Variants in SHOC2 observed in about 807,000 individuals in gnomAD.
SHOC2 encodes the protein SHOC2 leucine rich repeat scaffold protein.
SHOC2 carries 4 observed loss-of-function variants against 50.2 expected under a neutral mutation model. The ratio of observed to expected loss-of-function variants is 0.08; its 90% CI spans 0.04 to 0.18. The LOEUF (loss-of-function observed/expected upper bound fraction) is 0.18, where lower values mean the gene tolerates loss of function less well. Among genes scored for constraint, SHOC2 ranks in the 10% least tolerant of loss-of-function variants. The pLI is 1.00. For synonymous variants in SHOC2, 218 were observed against 244.5 expected, an observed-to-expected ratio of 0.89 and a Z score of 1.01; for missense variants, 388 against 669.6, an observed-to-expected ratio of 0.58 and a Z score of 4.64.
chr10:110,937,940 C>T (rs1299223596), intron 1 of SHOC2, among the ~76,000 whole-genome samples: 1 of 152,150 alleles, frequency 6.6e-6, no homozygotes, highest in African/African-American at 2.4e-5. Flanking sequence ...GAGTGCTCAT[C>T]AGTTCTTCAG....
intron 1 of SHOC2, among the ~76,000 whole-genome samples, chr10:110,950,246 C>G (rs1365794512): frequency 6.6e-6 from 1 of 151,766 alleles, no homozygotes; most frequent in Non-Finnish European, 1.5e-5. Context: ...TTTCCATAAA[C>G]TAACAATGAA....
intron 1 of SHOC2, among the ~76,000 whole-genome samples, chr10:110,941,769 G>A (rs899246013): frequency 9.9e-5 from 15 of 151,762 alleles, no homozygotes; most frequent in Non-Finnish European, 1.8e-4. Context: ...TTTTAATTTC[G>A]ATGAAGTGCA....
At chr10:110,922,292 T>G (rs1033385525) in intron 1 of SHOC2, among the ~76,000 whole-genome samples, 3 of 152,148 alleles carry the variant, frequency 2.0e-5, no homozygotes, top group Non-Finnish European at 4.4e-5. Context: ...ATTGGTATAG[T>G]TATTGCTTTG....
chr10:111,002,816 A>G lies in SHOC2; in HGVS notation c.973-1790A>G, dbSNP rs890741694. 2.6e-5 allele frequency among the ~76,000 whole-genome samples: 4 copies of G among 152,278 alleles called. No homozygotes were observed. In the South Asian group the frequency reaches 6.2e-4, roughly 24 times the overall value. The stretch of plus-strand genomic sequence containing the variant: ...AATGATAAGCAACCCCTGCTTCACA[A>G]TGTGACTAAGAAATGAGAGCTTGAA... On this transcript the variant is annotated intron_variant, in intron 4 of 8. Transcript: ENST00000369452.
chr10:111,007,803 A>G, intron 6 of SHOC2, 150 bp downstream of exon 6: 1 of 791,336 alleles, frequency 1.3e-6, no homozygotes, highest in Non-Finnish European at 2.1e-6. Flanking sequence ...TAATAGGATA[A>G]TGAAGTGTTG....
At chr10:110,951,270 A>G (rs557398816) in intron 1 of SHOC2, among the ~76,000 whole-genome samples, 1 of 152,340 alleles carries the variant, frequency 6.6e-6, no homozygotes, top group Non-Finnish European at 1.5e-5. Flanking sequence ...CAGGTATGTG[A>G]AAAAATGCTC....
At chr10:110,979,448 A>G (rs1847933110) in intron 2 of SHOC2, among the ~76,000 whole-genome samples, 3 of 152,210 alleles carry the variant, frequency 2.0e-5, no homozygotes. Flanking sequence ...GTAATTATAT[A>G]ACGTATACAA....
chr10:110,947,725 C>A lies in SHOC2; in HGVS notation c.-234-16400C>A, dbSNP rs1307800621. ...TATATACATTTCGTGGAGAAAAACC[C>A]CTGTAAATACACAAAAGATAAAGAG... On this transcript the variant is annotated intron_variant, in intron 1 of 8. Coordinates refer to ENST00000369452, the MANE Select transcript of SHOC2 (RefSeq NM_007373.4). Among the ~76,000 whole-genome samples the A allele has an allele frequency of 2.7e-5, 4 of 149,980 alleles. No homozygotes were observed. The South Asian group carries it at 8.4e-4, about 32-fold the overall frequency.
chr10:110,971,845 A>G (rs1361066858), intron 2 of SHOC2, among the ~76,000 whole-genome samples: 1 of 152,072 alleles, frequency 6.6e-6, no homozygotes, highest in African/African-American at 2.4e-5. Context: ...GTTTCTTACT[A>G]TTGTGCAATA....
intron 2 of SHOC2, among the ~76,000 whole-genome samples, chr10:110,965,414 A>G (rs1051343338): frequency 5.9e-5 from 9 of 152,310 alleles, no homozygotes; most frequent in African/African-American, 2.2e-4. Context: ...TTTATTAGAT[A>G]TATGAAAACT....
intron 1 of SHOC2, among the ~76,000 whole-genome samples, chr10:110,921,505 A>G (rs1846650184): frequency 6.6e-6 from 1 of 152,164 alleles, no homozygotes; most frequent in South Asian, 2.1e-4. Context: ...CTTTAAGGGT[A>G]CTGCATTTTC....
chr10:110,932,188 A>G (rs1846908812), intron 1 of SHOC2, among the ~76,000 whole-genome samples: 1 of 152,216 alleles, frequency 6.6e-6, no homozygotes, highest in Non-Finnish European at 1.5e-5. Context: ...GATGTGAAAG[A>G]AGTTCATGTG....
intron 2 of SHOC2, among the ~76,000 whole-genome samples, chr10:110,971,030 G>GCT (rs1352305067): frequency 6.6e-6 from 1 of 151,754 alleles, no homozygotes; most frequent in African/African-American, 2.4e-5. Context: ...TGTTTCCTTT[G>GCT]CTCTGCAGAA....
intron 1 of SHOC2, among the ~76,000 whole-genome samples, chr10:110,956,323 C>T (rs746775252): frequency 6.6e-6 from 1 of 152,110 alleles, no homozygotes; most frequent in Non-Finnish European, 1.5e-5. Context: ...AAGTGATTCT[C>T]CTGCTCAGTC....
rs777877344 is a variant in SHOC2 at position 111,004,734 on chromosome 10, C to T, written c.1101C>T (p.Ile367=). The T allele has an allele frequency of 1.2e-6, 2 of 1,613,416 alleles. No homozygotes were observed. Among genetic ancestry groups the T allele is most frequent in the African/African-American group, 2.7e-5 (2 of 74,866 alleles). Residue 367 remains isoleucine, a synonymous_variant, in exon 5 of 9, where the codon ATC becomes ATT. Transcript: ENST00000369452. ...CCCTCAACATGGAACACAATCGAATCAACAAAATTCCATTTGGAATTTTCT... is the reference window on the plus strand; with the variant it reads ...CCCTCAACATGGAACACAATCGAATTAACAAAATTCCATTTGGAATTTTCT... ...IYSLNMEHNR[I]NKIPFGIFSR... is the part of the protein sequence containing the mutation.
rs113049805 is a variant in SHOC2, at chr10:110,961,884, A to G, written c.-234-2241A>G. On this transcript the variant is annotated intron_variant, in intron 1 of 8. Transcript: ENST00000369452. ...ATATTTGAAAAATATAATATTAAAT[A>G]TACTGGTGTTCAGATCTTACATTTG... Among the ~76,000 whole-genome samples, 6 of 152,194 alleles carry G rather than the reference A, an allele frequency of 3.9e-5. 1 individual carries two copies. Among genetic ancestry groups the G allele is most frequent in the African/African-American group, 1.4e-4 (6 of 41,556 alleles).
intron 4 of SHOC2, among the ~76,000 whole-genome samples, chr10:111,002,808 G>A (rs1041678317): frequency 6.6e-6 from 1 of 151,896 alleles, no homozygotes; most frequent in Admixed American, 6.6e-5. Flanking sequence ...AGCAACCCCT[G>A]CTTCACAATG....
intron 3 of SHOC2, among the ~76,000 whole-genome samples, chr10:110,998,556 C>T (rs969548798): frequency 5.3e-5 from 8 of 152,076 alleles, no homozygotes; most frequent in African/African-American, 1.7e-4. Flanking sequence ...CACTTTGTGC[C>T]GGTTGGAATC....
chr10:110,970,328 A>G (rs989728729), intron 2 of SHOC2, among the ~76,000 whole-genome samples: 21 of 152,168 alleles, frequency 1.4e-4, no homozygotes, highest in African/African-American at 5.1e-4. Context: ...ATTTCACTTA[A>G]CATAATGTCC....
Sources: gnomAD v4.1 joint callset for allele counts (sites outside exome capture counted in the v4.1 genomes callset) on GRCh38, gnomAD v4.1.1 for gene constraint, MANE v1.5 for transcripts, NCBI Gene and HGNC (gene_info 2026-07-23, HGNC 2026-07-21) for gene names.